The following CD83 variants were observed in gnomAD, a reference collection of about 807,000 sequenced individuals.
The protein encoded by CD83 is CD83 antigen.
A neutral mutation model predicts 24.6 loss-of-function variants in CD83; 22 were observed. That is an observed-to-expected ratio of 0.90 (90% confidence interval 0.64 to 1.28). The LOEUF is 1.28. CD83 is among the 50% of genes most tolerant of loss of function. CD83 has a pLI of 0.00. For synonymous variants in CD83, 101 were observed against 103.5 expected (o/e 0.98, Z 0.14); for missense variants, 253 against 252.8 (o/e 1.00, Z -0.01).
At position 14,129,833 on chromosome 6, in the gene CD83, C is replaced by CTCTGTGTGTGTG. The variant is rs367556018; in HGVS notation, c.154-1686_154-1685insCTGTGTGTGTGT. Among the ~76,000 whole-genome samples, 26 of 147,802 alleles carry CTCTGTGTGTGTG rather than the reference C, an allele frequency of 1.8e-4. No individual in the cohort carries two copies. The highest frequency in any genetic ancestry group is 6.4e-4 in the African/African-American group (26 of 40,390). Reference sequence around the variant, plus strand: ...GAATTAATAAATGAAGCAGAAATGACTGTGTGTGTGTGTGTGTGTGTGTGT... The same window carrying CTCTGTGTGTGTG: ...GAATTAATAAATGAAGCAGAAATGACTCTGTGTGTGTGTGTGTGTGTGTGTGTGTGTGTGTGT... On this transcript the variant is annotated intron_variant, in intron 2 of 4. Transcript: ENST00000379153. This position sits in a 1 kb window ranked among gnomAD's most constrained non-coding sequence, Gnocchi z 4.3.
In CD83 at chr6:14,118,827, T is replaced by A. The variant is rs142775448; in HGVS notation, c.153+762T>A. 5.3e-5 allele frequency among the ~76,000 whole-genome samples: 8 copies of A among 152,372 alleles called. No individual in the cohort carries two copies. In the East Asian group the frequency reaches 1.5e-3, roughly 29 times the overall value. ...TGGTGTCATTCCAAAGCCAAGCAGC[T>A]ACTGTTTGATATCACTGGTCCTTCT... On this transcript the variant is annotated intron_variant, in intron 2 of 4. Transcript: ENST00000379153.
At chr6:14,119,431 T>A in intron 2 of CD83, among the ~76,000 whole-genome samples, 1 of 152,224 alleles carries the variant, frequency 6.6e-6, no homozygotes, top group South Asian at 2.1e-4. Flanking sequence ...CGTGCCAAGC[T>A]CCAAGGTAAA....
rs1463549918 is a variant in CD83 at position 14,121,177 on chromosome 6, GTTTATTT to G, written c.153+3116_153+3122del. ...GGATAGTAGCTCAATTTAGCTTTATGTTTATTTTTTGAGACAGAGTGTCACCCTGTTT... is the reference window on the plus strand; with the variant it reads ...GGATAGTAGCTCAATTTAGCTTTATGTTTGAGACAGAGTGTCACCCTGTTT... On this transcript the variant is annotated intron_variant, in intron 2 of 4. Transcript: ENST00000379153. Among the ~76,000 whole-genome samples the G allele has an allele frequency of 7.2e-5, 11 of 151,984 alleles. No individual in the cohort carries two copies. In the South Asian group the frequency reaches 2.3e-3, roughly 32 times the overall value.
intron 2 of CD83, among the ~76,000 whole-genome samples, chr6:14,120,744 CTTTGTCCA>C (rs1759652107): frequency 6.6e-6 from 1 of 152,226 alleles, no homozygotes; most frequent in East Asian, 1.9e-4. Context: ...AGCATCTTGC[CTTTGTCCA>C]TTTGGCACTG....
intron 2 of CD83, among the ~76,000 whole-genome samples, chr6:14,124,637 G>A (rs12215101): frequency 0.16 from 24,484 of 152,100 alleles, 2,441 homozygotes; most frequent in Middle Eastern, 0.24. Flanking sequence ...GTGGTGCGGG[G>A]TGCCTTATCA....
At position 14,129,035 on chromosome 6, in the gene CD83, A is replaced by C. The variant is rs1759886132; in HGVS notation, c.154-2485A>C. 6.6e-6 allele frequency among the ~76,000 whole-genome samples: 1 copy of C among 152,192 alleles called. No individual in the cohort carries two copies. Among genetic ancestry groups the C allele is most frequent in the Admixed American group, 6.5e-5 (1 of 15,282 alleles). ...TTCTACCAGCTCCAGAGGGGTTCAC[A>C]GTGTTGATCTTGACTTTCAGATGGG... On this transcript the variant is annotated intron_variant, in intron 2 of 4. Transcript: ENST00000379153. The surrounding 1 kb of genome is among the most constrained non-coding windows in gnomAD (Gnocchi z 4.3).
rs1471170411 is a variant in CD83 at position 14,135,332 on chromosome 6, T to C, written c.*96T>C. 1.4e-5 allele frequency: 19 copies of C among 1,351,926 alleles called. No homozygotes were observed. Among genetic ancestry groups the C allele is most frequent in the Admixed American group, 2.1e-5 (1 of 46,630 alleles). 83.7% of individuals were successfully genotyped at this position (1,351,926 alleles called of 1,614,324 possible). Reference sequence around the variant, plus strand: ...GAGAAGAATGAGCCTACGCTGAAGATGGCATCCTGTGAAGTCCTTCACCTC... The same window carrying C: ...GAGAAGAATGAGCCTACGCTGAAGACGGCATCCTGTGAAGTCCTTCACCTC... On this transcript the variant is annotated 3_prime_UTR_variant, in exon 5 of 5. Coordinates refer to ENST00000379153, the MANE Select transcript of CD83 (RefSeq NM_004233.4).
At chr6:14,121,436 C>T (rs1759666451) in intron 2 of CD83, among the ~76,000 whole-genome samples, 1 of 151,644 alleles carries the variant, frequency 6.6e-6, no homozygotes, top group African/African-American at 2.4e-5. Context: ...TTCAGCCTCC[C>T]AAAGTGCTAG....
chr6:14,123,672 A>G (rs1028154918), intron 2 of CD83, among the ~76,000 whole-genome samples: 2 of 147,104 alleles, frequency 1.4e-5, no homozygotes, highest in Admixed American at 1.4e-4. Flanking sequence ...TTTGGACAAT[A>G]GTGGAACAGA....
At position 14,135,262 on chromosome 6, in the gene CD83, C is replaced by G; in HGVS notation, c.*26C>G. On this transcript the variant is annotated 3_prime_UTR_variant, in exon 5 of 5. Transcript: ENST00000379153. ...GCAGGATTTCTGCAGGTTCTTCTTC[C>G]TGAAGCTGAGGCTCAGGGGTGTGCC... The G allele has an allele frequency of 6.2e-7, 1 of 1,611,330 alleles. No individual in the cohort carries two copies.
chr6:14,129,338 G>C lies in CD83; in HGVS notation c.154-2182G>C, dbSNP rs10046182. Among the ~76,000 whole-genome samples the C allele has an allele frequency of 2.6e-5, 4 of 152,204 alleles. No individual in the cohort carries two copies. Among genetic ancestry groups the C allele is most frequent in the East Asian group, 3.9e-4 (2 of 5,188 alleles). ...AGCCCTTGCCTGGTAGGAAGAAGCCGCTCTGCCAGGCAGCGGAAGGGAGAG... is the reference window on the plus strand; with the variant it reads ...AGCCCTTGCCTGGTAGGAAGAAGCCCCTCTGCCAGGCAGCGGAAGGGAGAG... On this transcript the variant is annotated intron_variant, in intron 2 of 4. Coordinates refer to ENST00000379153, the MANE Select transcript of CD83 (RefSeq NM_004233.4). The surrounding 1 kb of genome is among the most constrained non-coding windows in gnomAD (Gnocchi z 4.3).
intron 2 of CD83, among the ~76,000 whole-genome samples, chr6:14,127,576 C>T (rs1202963683): frequency 2.0e-5 from 3 of 151,156 alleles, no homozygotes; most frequent in East Asian, 1.9e-4. Context: ...ACTCCATTCA[C>T]GTGCCCATAC....
chr6:14,121,616 CAAAAAA>C (rs57805122), intron 2 of CD83, among the ~76,000 whole-genome samples: 2 of 53,772 alleles, frequency 3.7e-5, no homozygotes, highest in African/African-American at 8.0e-5. Context: ...CTGTCTCTAC[CAAAAAA>C]AAAAAAAAAA....
chr6:14,128,912 G>C (rs538972630), intron 2 of CD83, among the ~76,000 whole-genome samples: 3 of 152,354 alleles, frequency 2.0e-5, no homozygotes, highest in African/African-American at 7.2e-5. Flanking sequence ...GTTACTGCCA[G>C]CCAGTTTTGA....
chr6:14,128,373 G>A (rs983434306), intron 2 of CD83, among the ~76,000 whole-genome samples: 3 of 152,126 alleles, frequency 2.0e-5, no homozygotes, highest in Admixed American at 6.5e-5. Context: ...AAACTACCAC[G>A]CCTTTTGCAG....
At chr6:14,134,037 G>C (rs2113406132) in intron 4 of CD83, among the ~76,000 whole-genome samples, 1 of 152,316 alleles carries the variant, frequency 6.6e-6, no homozygotes, top group South Asian at 2.1e-4. Flanking sequence ...CTATGCAAGA[G>C]CAGAGGCCCT....
chr6:14,120,221 CAT>C (rs1287385003), intron 2 of CD83, among the ~76,000 whole-genome samples: 2 of 152,110 alleles, frequency 1.3e-5, no homozygotes, highest in Non-Finnish European at 2.9e-5. Context: ...TCGAAAGTGA[CAT>C]ATATTGTTCC....
chr6:14,131,465 G>T (rs1268895188), intron 2 of CD83, 55 bp from the exon 3 acceptor site: 1 of 1,264,904 alleles, frequency 7.9e-7, no homozygotes, highest in African/African-American at 1.5e-5. Context: ...AAACATTGGT[G>T]TCGAGTTGGA....
rs1294514128 is a variant in CD83, at chr6:14,135,887, T to G, written c.*651T>G. On this transcript the variant is annotated 3_prime_UTR_variant, in exon 5 of 5. Coordinates refer to ENST00000379153, the MANE Select transcript of CD83 (RefSeq NM_004233.4). The stretch of plus-strand genomic sequence containing the variant: ...GAAGAGTGCCACATTTATTTTTATA[T>G]CTATATGTACTTGTCAAAGAAGGTT... The G allele has an allele frequency of 6.6e-6, 1 of 152,282 alleles. No individual in the cohort carries two copies. The highest frequency in any genetic ancestry group is 1.5e-5 in the Non-Finnish European group (1 of 68,070). The allele number at this position is 152,282 out of a possible 1,614,324, so 9.4% of individuals were successfully genotyped here.
Sources: allele counts gnomAD v4.1 joint callset (sites outside exome capture counted in the v4.1 genomes callset), GRCh38; gene constraint gnomAD v4.1.1; non-coding constraint Gnocchi (gnomAD v3.1); transcripts MANE v1.5; gene names NCBI Gene and HGNC (gene_info 2026-07-23, HGNC 2026-07-21).